Variants in DNER observed in about 807,000 individuals in gnomAD.
The protein encoded by DNER is delta and Notch-like epidermal growth factor-related receptor.
A neutral mutation model predicts 78.2 loss-of-function variants in DNER; 33 were observed. That is an observed-to-expected ratio of 0.42 (90% CI 0.32 to 0.56). The LOEUF (loss-of-function observed/expected upper bound fraction) is 0.56. Ranked by LOEUF, DNER falls within the 20% of genes least tolerant of loss-of-function variation. The pLI is 0.11. For missense variants in DNER, 918 were observed against 975.3 expected, an observed-to-expected ratio of 0.94 and a Z score of 0.78; for synonymous variants, 417 against 384.8, an observed-to-expected ratio of 1.08 and a Z score of -0.98.
At chr2:229,590,479 G>A (rs2154214598) in intron 2 of DNER, among the ~76,000 whole-genome samples, 1 of 152,316 alleles carries the variant, frequency 6.6e-6, no homozygotes, top group Admixed American at 6.5e-5. Flanking sequence ...ATAGTTGAGT[G>A]TTGCGGTCTG....
chr2:229,620,663 G>A (rs72991651), intron 1 of DNER, among the ~76,000 whole-genome samples: 3,349 of 152,346 alleles, frequency 0.022, 50 homozygotes, highest in Middle Eastern at 0.034. Flanking sequence ...GGGATGGGGC[G>A]TCAGTCCCTT....
chr2:229,483,646 T>C (rs926454733), intron 6 of DNER, among the ~76,000 whole-genome samples: 2 of 152,188 alleles, frequency 1.3e-5, no homozygotes, highest in Non-Finnish European at 2.9e-5. Context: ...TAATTTCAAA[T>C]AGTCTTCTCT....
intron 5 of DNER, among the ~76,000 whole-genome samples, chr2:229,533,954 A>G (rs1696356000): frequency 6.6e-6 from 1 of 152,252 alleles, no homozygotes; most frequent in Admixed American, 6.5e-5. Context: ...TTGATATTGT[A>G]AAATGAAATG....
intron 1 of DNER, among the ~76,000 whole-genome samples, chr2:229,638,844 C>G (rs899016887): frequency 6.6e-6 from 1 of 152,128 alleles, no homozygotes; most frequent in African/African-American, 2.4e-5. Context: ...TCGGTAAAAC[C>G]CACCTCACAG....
chr2:229,438,766 A>G (rs887738099), intron 8 of DNER, among the ~76,000 whole-genome samples: 3 of 152,348 alleles, frequency 2.0e-5, no homozygotes, highest in Middle Eastern at 3.4e-3. Flanking sequence ...GATGTACATT[A>G]TTTGAGTAAT....
chr2:229,678,860 G>A (rs13408342), intron 1 of DNER, among the ~76,000 whole-genome samples: 1 of 152,142 alleles, frequency 6.6e-6, no homozygotes, highest in African/African-American at 2.4e-5. Context: ...CAGACAGTTA[G>A]GACATAAAAT....
Position 229,508,384 on chromosome 2 carries a change from T to C in DNER, c.1147+4399A>G, listed in dbSNP as rs114939896. On this transcript the variant is annotated intron_variant, in intron 6 of 12. Coordinates refer to ENST00000341772, the MANE Select transcript of DNER (RefSeq NM_139072.4). Reference sequence around the variant, plus strand: ...ATACAAGAATGCATATCTGTGCCTGTTCATAGAATGGAATTTTATATGGCA... The same window carrying C: ...ATACAAGAATGCATATCTGTGCCTGCTCATAGAATGGAATTTTATATGGCA... 8.3e-3 allele frequency among the ~76,000 whole-genome samples: 1,261 copies of C among 152,276 alleles called. 18 individuals carry two copies. The highest frequency in any genetic ancestry group is 0.029 in the African/African-American group (1,190 of 41,566).
intron 5 of DNER, among the ~76,000 whole-genome samples, chr2:229,513,598 C>G (rs1363176289): frequency 6.6e-6 from 1 of 152,128 alleles, no homozygotes; most frequent in Non-Finnish European, 1.5e-5. Flanking sequence ...AAAATACAAA[C>G]AAAACTGGGT....
At chr2:229,702,871 CGT>C in intron 1 of DNER, among the ~76,000 whole-genome samples, 1 of 140,782 alleles carries the variant, frequency 7.1e-6, no homozygotes, top group South Asian at 2.2e-4. Context: ...GAGCTGAGAC[CGT>C]GCCACTGCAC....
At chr2:229,502,439 A>G (rs56079234) in intron 6 of DNER, among the ~76,000 whole-genome samples, 56,883 of 151,844 alleles carry the variant, frequency 0.37, 11,398 homozygotes, top group African/African-American at 0.52. Context: ...GCTTGTCAAT[A>G]AGAGAGACAG....
chr2:229,656,900 C>T (rs965323221), intron 1 of DNER, among the ~76,000 whole-genome samples: 7 of 151,598 alleles, frequency 4.6e-5, no homozygotes, highest in African/African-American at 7.3e-5. Context: ...TTGAAGTATA[C>T]GACATAATGA....
chr2:229,520,862 T>C (rs1265482536), intron 5 of DNER, among the ~76,000 whole-genome samples: 1 of 152,318 alleles, frequency 6.6e-6, no homozygotes, highest in South Asian at 2.1e-4. Context: ...CTTAAGGAAC[T>C]AACATGTTTT....
At chr2:229,489,532 A>T (rs1574866270) in intron 6 of DNER, among the ~76,000 whole-genome samples, 2 of 129,714 alleles carry the variant, frequency 1.5e-5, no homozygotes, top group South Asian at 5.1e-4. Context: ...GGTGGTGAGG[A>T]GGAGGGGGAG....
intron 1 of DNER, among the ~76,000 whole-genome samples, chr2:229,660,060 C>T (rs1698982468): frequency 6.6e-6 from 1 of 152,088 alleles, no homozygotes; most frequent in Non-Finnish European, 1.5e-5. Flanking sequence ...TCTGGCCCAT[C>T]TTTTAGTAGA....
At chr2:229,520,463 A>G (rs1272028018) in intron 5 of DNER, among the ~76,000 whole-genome samples, 1 of 152,056 alleles carries the variant, frequency 6.6e-6, no homozygotes, top group African/African-American at 2.4e-5. Flanking sequence ...TCCAAACTAC[A>G]TCCGGGTTAT....
At chr2:229,693,934 A>G (rs1372640931) in intron 1 of DNER, among the ~76,000 whole-genome samples, 2 of 152,240 alleles carry the variant, frequency 1.3e-5, no homozygotes, top group African/African-American at 4.8e-5. Context: ...GGCATGTCAG[A>G]GACCTTCACA....
chr2:229,573,908 T>C (rs1697254240), intron 4 of DNER, among the ~76,000 whole-genome samples: 1 of 152,220 alleles, frequency 6.6e-6, no homozygotes, highest in Non-Finnish European at 1.5e-5. Flanking sequence ...CTCCAATGTA[T>C]AAATGCAATA....
At chr2:229,713,675 C>T (rs1241583502) in intron 1 of DNER, among the ~76,000 whole-genome samples, 2 of 152,236 alleles carry the variant, frequency 1.3e-5, no homozygotes, top group African/African-American at 4.8e-5. Context: ...GCACGGGGCC[C>T]ACCATCACCT....
At chr2:229,387,832 T>C (rs1692925807) in intron 11 of DNER, among the ~76,000 whole-genome samples, 2 of 151,696 alleles carry the variant, frequency 1.3e-5, no homozygotes, top group Non-Finnish European at 2.9e-5. Flanking sequence ...TGAAGACACT[T>C]GAACACATAA....
Sources: allele counts gnomAD v4.1 joint callset (sites outside exome capture counted in the v4.1 genomes callset), GRCh38; gene constraint gnomAD v4.1.1; transcripts MANE v1.5; gene names NCBI Gene and HGNC (gene_info 2026-07-23, HGNC 2026-07-21).